Variants in SDAD1 observed in about 807,000 individuals in gnomAD.
SDAD1 encodes the protein SDA1 domain containing 1.
A neutral mutation model predicts 100.3 loss-of-function variants in SDAD1; 79 were observed. The ratio of observed to expected loss-of-function variants is 0.79; its 90% CI spans 0.66 to 0.95. The LOEUF (loss-of-function observed/expected upper bound fraction) is 0.95, where lower values mean the gene tolerates loss of function less well. Among genes scored for constraint, SDAD1 ranks in the 40% least tolerant of loss-of-function variants. SDAD1 has a pLI of 0.00. For missense variants in SDAD1, 790 were observed against 810.9 expected (o/e 0.97, Z 0.31); for synonymous variants, 267 against 271.4 (o/e 0.98, Z 0.16).
intron 1 of SDAD1, among the ~76,000 whole-genome samples, chr4:75,985,535 A>G (rs569909005): frequency 6.6e-6 from 1 of 152,262 alleles, no homozygotes; most frequent in South Asian, 2.1e-4. Context: ...TCATCTAAAG[A>G]CTAGAGTTAT....
chr4:75,974,402 CA>C (rs36025367), intron 6 of SDAD1, among the ~76,000 whole-genome samples: 43,691 of 110,666 alleles, frequency 0.39, 6,053 homozygotes, highest in East Asian at 0.51. Flanking sequence ...TAGTCAAGTG[CA>C]AAAAAAAAAA....
intron 21 of SDAD1, among the ~76,000 whole-genome samples, chr4:75,954,113 A>G (rs1438908463): frequency 2.6e-5 from 4 of 152,044 alleles, no homozygotes; most frequent in African/African-American, 4.8e-5. Flanking sequence ...GCGCGGTAGT[A>G]GCTCACGCCT....
chr4:75,966,429 CCT>C (rs1729547369), intron 12 of SDAD1, among the ~76,000 whole-genome samples: 1 of 151,648 alleles, frequency 6.6e-6, no homozygotes, highest in African/African-American at 2.4e-5. Context: ...CTTTTTTTTC[CCT>C]CTCTTTGTAT....
intron 18 of SDAD1, 64 bp downstream of exon 18, chr4:75,957,783 C>A: frequency 6.2e-7 from 1 of 1,611,780 alleles, no homozygotes; most frequent in South Asian, 1.1e-5. Flanking sequence ...AGCCTCCCAA[C>A]AAGGCCCAGA....
intron 3 of SDAD1, among the ~76,000 whole-genome samples, chr4:75,978,495 G>A (rs1177891814): frequency 2.6e-5 from 4 of 151,830 alleles, no homozygotes; most frequent in South Asian, 4.2e-4. Flanking sequence ...GAGCTGATGC[G>A]CCTAGCAGCT....
chr4:75,985,959 T>A (rs962257781), intron 1 of SDAD1, among the ~76,000 whole-genome samples: 5 of 152,148 alleles, frequency 3.3e-5, no homozygotes, highest in African/African-American at 4.8e-5. Flanking sequence ...TCAATCATTA[T>A]AATCACCTCC....
chr4:75,968,744 A>G (rs1438475596), intron 11 of SDAD1, among the ~76,000 whole-genome samples: 1 of 152,206 alleles, frequency 6.6e-6, no homozygotes, highest in Non-Finnish European at 1.5e-5. Flanking sequence ...GTAAAAAAGC[A>G]GAACAGGCCA....
intron 1 of SDAD1, 73 bp from the exon 2 acceptor site, chr4:75,982,110 A>T: frequency 1.2e-6 from 1 of 833,598 alleles, no homozygotes; most frequent in East Asian, 2.7e-5. Flanking sequence ...TCAGTAGAGA[A>T]ATTCTTAGTA....
chr4:75,967,811 T>C (rs150208270), intron 11 of SDAD1, among the ~76,000 whole-genome samples: 27 of 152,114 alleles, frequency 1.8e-4, no homozygotes, highest in East Asian at 1.5e-3. Context: ...TCCAACCACG[T>C]GGAAGGAGTT....
At position 75,990,926 on chromosome 4, in the gene SDAD1, G is replaced by T. The variant is rs984069214; in HGVS notation, c.-85C>A. 1.3e-6 allele frequency: 2 copies of T among 1,535,906 alleles called. No homozygotes were observed. The highest frequency in any genetic ancestry group is 2.3e-5 in the East Asian group (1 of 44,308). On this transcript the variant is annotated 5_prime_UTR_variant, in exon 1 of 22. Coordinates refer to ENST00000356260, the MANE Select transcript of SDAD1 (RefSeq NM_018115.4). The stretch of plus-strand genomic sequence containing the variant: ...CCGCAATCCCTGCCAGCTGCAGCTT[G>T]GACTCGTGTTTCCGGGTATGACCGG...
chr4:75,951,384 A>G (rs1728621915), intron 21 of SDAD1, among the ~76,000 whole-genome samples: 1 of 152,248 alleles, frequency 6.6e-6, no homozygotes, highest in African/African-American at 2.4e-5. Context: ...CTAACCCTTT[A>G]TAATGGCTCA....
At chr4:75,952,327 A>G (rs1465549594) in intron 21 of SDAD1, among the ~76,000 whole-genome samples, 1 of 152,138 alleles carries the variant, frequency 6.6e-6, no homozygotes, top group Non-Finnish European at 1.5e-5. Flanking sequence ...ATTTACTTCC[A>G]CTCATTAAGC....
chr4:75,977,836 C>T, intron 3 of SDAD1, 80 bp from the exon 4 acceptor site: 1 of 812,976 alleles, frequency 1.2e-6, no homozygotes, highest in Non-Finnish European at 2.1e-6. Context: ...GTCCCAAGAC[C>T]TTAATGTCTT....
At chr4:75,954,524 T>C (rs1728782827) in intron 21 of SDAD1, among the ~76,000 whole-genome samples, 1 of 151,894 alleles carries the variant, frequency 6.6e-6, no homozygotes, top group African/African-American at 2.4e-5. Flanking sequence ...AATACAAAAA[T>C]TAGCCGGGTG....
chr4:75,970,575 C>T (rs997126334), intron 9 of SDAD1, among the ~76,000 whole-genome samples, 197 bp from the exon 10 acceptor site: 5 of 152,194 alleles, frequency 3.3e-5, no homozygotes, highest in African/African-American at 4.8e-5. Flanking sequence ...TGTGTTCCAA[C>T]CATTAGCACC....
intron 3 of SDAD1, among the ~76,000 whole-genome samples, chr4:75,979,755 G>T (rs1006106882): frequency 1.3e-5 from 2 of 151,816 alleles, no homozygotes; most frequent in Admixed American, 1.3e-4. Context: ...GCGCCTGGCG[G>T]AAATCTTTAT....
intron 20 of SDAD1, among the ~76,000 whole-genome samples, chr4:75,956,455 G>A (rs935531351): frequency 1.3e-5 from 2 of 151,272 alleles, no homozygotes; most frequent in Admixed American, 6.6e-5. Context: ...AGGGAAAGGA[G>A]GGGAAAGACA....
At position 75,977,697 on chromosome 4, in the gene SDAD1, C is replaced by A. The variant is rs1315854797; in HGVS notation, c.354G>T (p.Leu118=). 1.2e-6 allele frequency: 2 copies of A among 1,613,574 alleles called. No individual in the cohort carries two copies. Among genetic ancestry groups the A allele is most frequent in the Non-Finnish European group, 1.7e-6 (2 of 1,179,838 alleles). Residue 118 remains leucine (L), a synonymous_variant, in exon 4 of 22, where the codon CTG becomes CTT. Transcript: ENST00000356260. Reference sequence around the variant, plus strand: ...GAAAAAGTTCAAAGAAGAGTTCTAGCAGGCTTGATGGATTGATGAGATTCT... The same window carrying A: ...GAAAAAGTTCAAAGAAGAGTTCTAGAAGGCTTGATGGATTGATGAGATTCT... ...RNKNLINPSS[L]LELFFELFRC...
Position 75,981,952 on chromosome 4 carries a change from A to G in SDAD1, c.176T>C (p.Leu59Pro), listed in dbSNP as rs548656655. ...TCTTACCTGTGCCATAAACATCACC[A>G]GCTCTGCTAGTTCTTTGCTGGGTTT... ...PNKPSKELAE[L>P]VMFMAQISHC... Residue 59 changes from leucine to proline, a missense_variant, in exon 2 of 22, where the codon CTG (leucine) becomes CCG (proline). By Grantham distance (98) the Leu-to-Pro change is moderately conservative. Coordinates refer to ENST00000356260, the MANE Select transcript of SDAD1 (RefSeq NM_018115.4). 6.2e-7 allele frequency: 1 copy of G among 1,609,806 alleles called. No individual in the cohort carries two copies. Among genetic ancestry groups the G allele is most frequent in the Middle Eastern group, 2.1e-4 (1 of 4,810 alleles).
Sources: allele counts gnomAD v4.1 joint callset (sites outside exome capture counted in the v4.1 genomes callset), GRCh38; gene constraint gnomAD v4.1.1; transcripts MANE v1.5; gene names NCBI Gene and HGNC (gene_info 2026-07-23, HGNC 2026-07-21).